The following MCM5 variants were observed in gnomAD, a reference collection of about 807,000 sequenced individuals.
MCM5 encodes minichromosome maintenance complex component 5.
Under a neutral mutation model 79.9 loss-of-function variants are expected in MCM5, and 46 were observed. The observed-to-expected ratio is 0.58, with a 90% CI of 0.45 to 0.74. The LOEUF (loss-of-function observed/expected upper bound fraction) is 0.74, where lower values mean the gene tolerates loss of function less well. Among genes scored for constraint, MCM5 ranks in the 30% least tolerant of loss-of-function variants. The probability of loss-of-function intolerance (pLI) is 0.00; values close to 1 mark genes in which losing one functional copy is unlikely to be tolerated. For synonymous variants in MCM5, 404 were observed against 390.5 expected, an observed-to-expected ratio of 1.03 and a Z score of -0.41; for missense variants, 883 against 1,017.0, an observed-to-expected ratio of 0.87 and a Z score of 1.79.
intron 15 of MCM5, 150 bp from the exon 16 acceptor site, chr22:35,423,064 G>T: frequency 1.4e-6 from 1 of 737,566 alleles, no homozygotes; most frequent in Non-Finnish European, 2.1e-6. Context: ...CCTCAATCAG[G>T]CCTGCACCAC....
chr22:35,450,081 G>A, the MCM5 span, among the ~76,000 whole-genome samples: 5 of 152,216 alleles, frequency 3.3e-5, no homozygotes, highest in African/African-American at 9.7e-5. Flanking sequence ...CTGAGAAGGA[G>A]ACAGGGAAGG....
chr22:35,425,656 C>T (rs4645833), downstream of MCM5, among the ~76,000 whole-genome samples: 104 of 152,066 alleles, frequency 6.8e-4, no homozygotes, highest in African/African-American at 2.3e-3. Context: ...TTACTGGGCG[C>T]GCTGTGGGTT....
chr22:35,421,127 CAAAAAAAAAAA>C (rs133430), intron 14 of MCM5, among the ~76,000 whole-genome samples, 180 bp from the exon 15 acceptor site: 3 of 88,918 alleles, frequency 3.4e-5, no homozygotes, highest in African/African-American at 1.4e-4. Context: ...GACTTTGTCT[CAAAAAAAAAAA>C]AAAAAAAAAA....
chr22:35,403,468 G>A lies in MCM5; in HGVS notation c.349G>A (p.Gly117Arg), dbSNP rs1932120410. The change falls in exon 4 of 17, where the codon GGG becomes AGG. Residue 117 changes from glycine to arginine, a missense_variant. Gly to Arg is a moderately radical substitution (Grantham distance 125). Around this residue, in one of 3 missense-constraint regions of MCM5, gnomAD observed 455 missense variants for 517.5 expected, o/e 0.88. Coordinates refer to ENST00000216122, the MANE Select transcript of MCM5 (RefSeq NM_006739.4). ...TGAGGTGACCCGGCCCCGGCCTTCT[G>A]GGGAGGAGGTGCTCCAGGACATCCA... ...ADEVTRPRPSGEEVLQDIQVM... is the reference protein window; with the variant it reads ...ADEVTRPRPSREEVLQDIQVM... 1.9e-6 allele frequency: 3 copies of A among 1,614,204 alleles called. No homozygotes were observed. The highest frequency in any genetic ancestry group is 2.2e-5 in the East Asian group (1 of 44,886).
intron 6 of MCM5, chr22:35,410,439 C>G: frequency 5.4e-6 from 2 of 370,744 alleles, no homozygotes; most frequent in Non-Finnish European, 5.2e-6. Flanking sequence ...TGGGCTGGCA[C>G]TAAGCCTCCT....
chr22:35,449,822 C>A, the MCM5 span, among the ~76,000 whole-genome samples: 1 of 152,146 alleles, frequency 6.6e-6, no homozygotes, highest in Admixed American at 6.5e-5. Context: ...CACTCTGTCT[C>A]CCAGGCTGGA....
intron 5 of MCM5, among the ~76,000 whole-genome samples, chr22:35,407,325 T>C (rs1444416990): frequency 6.6e-6 from 1 of 152,136 alleles, no homozygotes; most frequent in African/African-American, 2.4e-5. Context: ...GCTGTTGACA[T>C]CTCTCACTTG....
chr22:35,405,390 G>A (rs1471979268), intron 4 of MCM5, among the ~76,000 whole-genome samples: 5 of 147,366 alleles, frequency 3.4e-5, no homozygotes, highest in Admixed American at 6.7e-5. Flanking sequence ...TTTTTGAGAC[G>A]GAGTTTGACT....
At chr22:35,444,668 T>C in the MCM5 span, among the ~76,000 whole-genome samples, 1 of 152,104 alleles carries the variant, frequency 6.6e-6, no homozygotes, top group Admixed American at 6.6e-5. Flanking sequence ...AGGCAGGTAA[T>C]GGCCGTGATA....
chr22:35,404,146 T>C (rs927106367), intron 4 of MCM5, among the ~76,000 whole-genome samples: 3 of 151,910 alleles, frequency 2.0e-5, no homozygotes, highest in African/African-American at 7.3e-5. Flanking sequence ...CATGACACTT[T>C]ATCCCGAAAA....
In MCM5 at chr22:35,400,477, C is replaced by T; in HGVS notation, c.39C>T (p.Asp13=). 1.9e-6 allele frequency: 3 copies of T among 1,614,128 alleles called. No individual in the cohort carries two copies. Among genetic ancestry groups the T allele is most frequent in the Non-Finnish European group, 1.7e-6 (2 of 1,179,990 alleles). ...ACGATCCTGGCATTTTCTACAGCGA[C>T]AGCTTCGGGGGCGACGCCCAGGCCG... ...GFDDPGIFYS[D]SFGGDAQADE... The change falls in exon 2 of 17, where the codon GAC becomes GAT. Residue 13 remains aspartate, a synonymous_variant. Transcript: ENST00000216122.
rs756440434 is a variant in MCM5 at position 35,408,581 on chromosome 22, G to A, written c.752+18G>A. 59 of 1,597,914 alleles carry A rather than the reference G, an allele frequency of 3.7e-5. 1 individual carries two copies. The South Asian group carries it at 6.4e-4, about 17-fold the overall frequency. On this transcript the variant is annotated intron_variant, in intron 6 of 16. Transcript: ENST00000216122. ...TGCGACAGGTGAGGCAGACGGGCTG[G>A]GAGGTGGGCATCTACGACGGTGGAT...
At position 35,403,286 on chromosome 22, in the gene MCM5, G is replaced by A; in HGVS notation, c.247G>A (p.Asp83Asn). 1.9e-6 allele frequency: 3 copies of A among 1,614,114 alleles called. No homozygotes were observed. The highest frequency in any genetic ancestry group is 1.3e-5 in the African/African-American group (1 of 75,014). Residue 83 changes from aspartate (D) to asparagine (N), a missense_variant, in exon 3 of 17, where the codon GAC (aspartate) becomes AAC (asparagine). By Grantham distance (23) the Asp-to-Asn change is conservative. Coordinates refer to ENST00000216122, the MANE Select transcript of MCM5 (RefSeq NM_006739.4). ...EMEDLASFDE[D>N]LADYLYKQPA... Reference sequence around the variant, plus strand: ...GGAGGATCTGGCCAGCTTTGATGAGGACCTGGCCGACTACTTGTACAAGCA... The same window carrying A: ...GGAGGATCTGGCCAGCTTTGATGAGAACCTGGCCGACTACTTGTACAAGCA...
the MCM5 span, among the ~76,000 whole-genome samples, chr22:35,438,476 T>TCCATCCATCCATCC: frequency 1.9e-5 from 2 of 107,608 alleles, no homozygotes; most frequent in Admixed American, 9.4e-5. Flanking sequence ...TCCATCCACA[T>TCCATCCATCCATCC]ATCCATCCAT....
chr22:35,436,665 C>G, the MCM5 span, among the ~76,000 whole-genome samples: 1 of 152,226 alleles, frequency 6.6e-6, no homozygotes, highest in African/African-American at 2.4e-5. Flanking sequence ...CTCTCCCCAG[C>G]CCTGGCTTTC....
In MCM5 at chr22:35,424,281, G is replaced by A; in HGVS notation, c.*26G>A. On this transcript the variant is annotated 3_prime_UTR_variant, in exon 17 of 17. Coordinates refer to ENST00000216122, the MANE Select transcript of MCM5 (RefSeq NM_006739.4). The stretch of plus-strand genomic sequence containing the variant: ...GTCGCGCCGCCTCACTGGACTCATG[G>A]ACTCGCCCACGCCTCGCCCCTCCTG... 2 of 1,498,554 alleles carry A rather than the reference G, an allele frequency of 1.3e-6. No homozygotes were observed. Among genetic ancestry groups the A allele is most frequent in the Non-Finnish European group, 1.8e-6 (2 of 1,107,234 alleles). The allele number at this position is 1,498,554 out of a possible 1,614,324, so 92.8% of individuals were successfully genotyped here. A position where few individuals can be genotyped will look rare whatever the true frequency, so the allele number is the denominator to read the frequency against.
At chr22:35,431,324 G>C in the MCM5 span, among the ~76,000 whole-genome samples, 1 of 152,122 alleles carries the variant, frequency 6.6e-6, no homozygotes, top group South Asian at 2.1e-4. Context: ...ACGGAGCCGG[G>C]GTCCAAACCC....
At position 35,424,324 on chromosome 22, in the gene MCM5, C is replaced by A; in HGVS notation, c.*69C>A. The A allele has an allele frequency of 8.5e-7, 1 of 1,182,150 alleles. No individual in the cohort carries two copies. The highest frequency in any genetic ancestry group is 1.2e-6 in the Non-Finnish European group (1 of 836,478). 73.2% of individuals were successfully genotyped at this position (1,182,150 alleles called of 1,614,324 possible). A position where few individuals can be genotyped will look rare whatever the true frequency, so the allele number is the denominator to read the frequency against. ...CCCTCCTGCCGCTGCCTGCCATTGACAATGTTGCTGGGACCTCTGCCTCCC... is the reference window on the plus strand; with the variant it reads ...CCCTCCTGCCGCTGCCTGCCATTGAAAATGTTGCTGGGACCTCTGCCTCCC... On this transcript the variant is annotated 3_prime_UTR_variant, in exon 17 of 17. Coordinates refer to ENST00000216122, the MANE Select transcript of MCM5 (RefSeq NM_006739.4).
the MCM5 span, among the ~76,000 whole-genome samples, chr22:35,450,694 C>T: frequency 1.3e-5 from 2 of 152,218 alleles, no homozygotes; most frequent in African/African-American, 2.4e-5. Context: ...CACGGCAACA[C>T]GTTGACACTG....
Sources: allele counts gnomAD v4.1 joint callset (sites outside exome capture counted in the v4.1 genomes callset), GRCh38; gene constraint gnomAD v4.1.1; regional missense constraint gnomAD v4.1.1; transcripts MANE v1.5; gene names NCBI Gene and HGNC (gene_info 2026-07-23, HGNC 2026-07-21).